GOT2: variants seen among roughly 807,000 people sequenced by gnomAD.
The protein encoded by GOT2 is aspartate aminotransferase, mitochondrial.
A neutral mutation model predicts 50.0 loss-of-function variants in GOT2; 17 were observed. The observed-to-expected ratio is 0.34, with a 90% CI of 0.23 to 0.51. The LOEUF is 0.51. GOT2 is among the 20% of genes least tolerant of loss of function. The pLI, the probability that GOT2 is intolerant of heterozygous loss-of-function variation, is 0.97. For missense variants in GOT2, 430 were observed against 559.6 expected, an observed-to-expected ratio of 0.77 and a Z score of 2.34; for synonymous variants, 172 against 204.9, an observed-to-expected ratio of 0.84 and a Z score of 1.37.
chr16:58,723,774 T>C lies in GOT2; in HGVS notation c.218A>G (p.Lys73Arg), dbSNP rs1188256812. ...GCGGACGCTAGGCAGAACGTAAGGC[T>C]TTCCATTATCATCCCGGTAGGCACC... is the stretch of plus-strand genomic sequence containing the variant. ...GVGAYRDDNG[K>R]PYVLPSVRKA... The change falls in exon 2 of 10, where the codon AAG becomes AGG. Residue 73 changes from lysine to arginine, a missense_variant. Transcript: ENST00000245206. The C allele has an allele frequency of 6.2e-7, 1 of 1,613,214 alleles. No homozygotes were observed. Among genetic ancestry groups the C allele is most frequent in the Non-Finnish European group, 8.5e-7 (1 of 1,179,344 alleles).
At chr16:58,723,228 G>A (rs943257607) in intron 2 of GOT2, among the ~76,000 whole-genome samples, 2 of 152,144 alleles carry the variant, frequency 1.3e-5, no homozygotes, top group African/African-American at 4.8e-5. Flanking sequence ...AAGGGGATTT[G>A]TTATATTATT....
chr16:58,712,875 C>T lies in GOT2; in HGVS notation c.1019+3139G>A, dbSNP rs145180333. Among the ~76,000 whole-genome samples, 511 of 152,064 alleles carry T rather than the reference C, an allele frequency of 3.4e-3. 4 individuals are homozygous for T. The highest frequency in any genetic ancestry group is 0.012 in the African/African-American group (494 of 41,494). ...CTGTAATCCCAGTACTTTGGGAGGC[C>T]GAAGTGCTAAGGTCGGGAGTTCGAG... On this transcript the variant is annotated intron_variant, in intron 8 of 9. Transcript: ENST00000245206.
At chr16:58,729,289 C>A (rs146511826) in intron 1 of GOT2, among the ~76,000 whole-genome samples, 1 of 148,298 alleles carries the variant, frequency 6.7e-6, no homozygotes, top group African/African-American at 2.5e-5. Context: ...CATTAACTGC[C>A]GAGTGAAAGG....
At position 58,723,702 on chromosome 16, in the gene GOT2, C is replaced by T. The variant is rs748976685; in HGVS notation, c.246+44G>A. 9.8e-6 allele frequency: 15 copies of T among 1,532,526 alleles called. No homozygotes were observed. The South Asian group carries it at 1.7e-4, about 17-fold the overall frequency. 94.9% of individuals were successfully genotyped at this position (1,532,526 alleles called of 1,614,324 possible). On this transcript the variant is annotated intron_variant, in intron 2 of 9. Coordinates refer to ENST00000245206, the MANE Select transcript of GOT2 (RefSeq NM_002080.4). ...TCCTGCCACTCTCCAGGGCTCTCTT[C>T]AGTTTATTCATCCCATTCAAAAGGA...
chr16:58,716,511 C>T (rs538305550), intron 7 of GOT2, 152 bp downstream of exon 7: 5 of 682,558 alleles, frequency 7.3e-6, no homozygotes, highest in South Asian at 4.0e-5. Context: ...GTAAAATCTA[C>T]GATACTGGTC....
At chr16:58,717,402 G>C (rs1031139404) in intron 6 of GOT2, among the ~76,000 whole-genome samples, 2 of 151,856 alleles carry the variant, frequency 1.3e-5, no homozygotes, top group African/African-American at 4.8e-5. Context: ...GAGAGAGAGA[G>C]AAAAGAAAGG....
At chr16:58,725,186 C>T (rs1341578422) in intron 1 of GOT2, among the ~76,000 whole-genome samples, 2 of 151,106 alleles carry the variant, frequency 1.3e-5, no homozygotes, top group African/African-American at 4.9e-5. Context: ...GTGATCTTGG[C>T]TCACTGCAAA....
intron 1 of GOT2, among the ~76,000 whole-genome samples, chr16:58,728,991 T>C (rs1191651832): frequency 2.6e-5 from 4 of 152,090 alleles, no homozygotes; most frequent in Non-Finnish European, 5.9e-5. Flanking sequence ...CCGGCCCTTT[T>C]CTGCTTTTCA....
chr16:58,726,198 T>G (rs1194533060), intron 1 of GOT2, among the ~76,000 whole-genome samples: 1 of 152,218 alleles, frequency 6.6e-6, no homozygotes, highest in East Asian at 1.9e-4. Flanking sequence ...ATTTTTTATT[T>G]TTTTGAGACG....
chr16:58,717,794 G>T (rs1325942665), intron 6 of GOT2, among the ~76,000 whole-genome samples: 1 of 152,164 alleles, frequency 6.6e-6, no homozygotes, highest in Admixed American at 6.5e-5. Context: ...GGGTTCAAGT[G>T]ATTCTCCTGC....
At chr16:58,714,319 G>A (rs972163759) in intron 8 of GOT2, among the ~76,000 whole-genome samples, 5 of 152,114 alleles carry the variant, frequency 3.3e-5, no homozygotes, top group African/African-American at 7.2e-5. Flanking sequence ...GGGAGGCCGA[G>A]GCAGGTGGTT....
intron 8 of GOT2, among the ~76,000 whole-genome samples, chr16:58,712,926 C>T (rs1402363472): frequency 6.6e-6 from 1 of 151,972 alleles, no homozygotes; most frequent in Non-Finnish European, 1.5e-5. Context: ...ATGGAGAAAC[C>T]CCGTCTCTAC....
At chr16:58,716,563 C>A in intron 7 of GOT2, 100 bp downstream of exon 7, 1 of 144,442 alleles carries the variant, frequency 6.9e-6, no homozygotes, top group Non-Finnish European at 1.1e-5. Context: ...TGGATGGACA[C>A]ACACACACAC....
chr16:58,719,738 G>C (rs1273433028), intron 3 of GOT2, among the ~76,000 whole-genome samples: 1 of 152,120 alleles, frequency 6.6e-6, no homozygotes, highest in Non-Finnish European at 1.5e-5. Context: ...ATGGGCAAAA[G>C]AGTGAGACTC....
At chr16:58,721,925 CA>C in intron 3 of GOT2, 1 of 373,584 alleles carries the variant, frequency 2.7e-6, no homozygotes, top group Non-Finnish European at 5.0e-6. Flanking sequence ...GGATTACAGG[CA>C]TGTGTCACCA....
Position 58,709,523 on chromosome 16 carries a change from C to T in GOT2, c.1064G>A (p.Arg355Gln), listed in dbSNP as rs752127201. The T allele has an allele frequency of 8.1e-6, 13 of 1,613,280 alleles. No individual in the cohort carries two copies. Among genetic ancestry groups the T allele is most frequent in the East Asian group, 2.2e-5 (1 of 44,842 alleles). ...CTTGAGGTTGGAGACCAGTTGAGTCCGCATGCCAATGATGCGGTCAGCCAT... is the reference window on the plus strand; with the variant it reads ...CTTGAGGTTGGAGACCAGTTGAGTCTGCATGCCAATGATGCGGTCAGCCAT... ...KVMADRIIGMRTQLVSNLKKE... is the reference protein window; with the variant it reads ...KVMADRIIGMQTQLVSNLKKE... The change falls in exon 9 of 10, where the codon CGG (arginine) becomes CAG (glutamine). Residue 355 changes from arginine (R) to glutamine (Q), a missense_variant. By Grantham distance (43) the Arg-to-Gln change is conservative. Transcript: ENST00000245206.
At chr16:58,724,329 CTGAAGT>C (rs1430912651) in intron 1 of GOT2, among the ~76,000 whole-genome samples, 1 of 150,974 alleles carries the variant, frequency 6.6e-6, no homozygotes, top group Admixed American at 6.6e-5. Flanking sequence ...GTCACCCAGG[CTGAAGT>C]ACAGTGGTGC....
chr16:58,712,516 C>G (rs1478255185), intron 8 of GOT2, among the ~76,000 whole-genome samples: 1 of 113,024 alleles, frequency 8.8e-6, no homozygotes, highest in Non-Finnish European at 2.0e-5. Context: ...CTCAAAACAA[C>G]AACAAGAACA....
intron 1 of GOT2, 118 bp downstream of exon 1, chr16:58,734,022 T>C (rs1412625271): frequency 1.3e-5 from 6 of 461,418 alleles, no homozygotes; most frequent in Non-Finnish European, 2.1e-5. Flanking sequence ...AGTGTGTGTG[T>C]GTGCGTGTGA....
Sources: gnomAD v4.1 joint callset for allele counts (sites outside exome capture counted in the v4.1 genomes callset) on GRCh38, gnomAD v4.1.1 for gene constraint, MANE v1.5 for transcripts, NCBI Gene and HGNC (gene_info 2026-07-23, HGNC 2026-07-21) for gene names.